ME3: variants seen among roughly 807,000 people sequenced by gnomAD.
ME3 encodes malic enzyme 3, also known as NADP-dependent malic enzyme, mitochondrial.
Under a neutral mutation model 68.9 loss-of-function variants are expected in ME3, and 48 were observed. The observed-to-expected ratio is 0.70, with a 90% CI of 0.55 to 0.89. The LOEUF is 0.89. Among genes scored for constraint, ME3 ranks in the 40% least tolerant of loss-of-function variants. The pLI, the probability that ME3 is intolerant of heterozygous loss-of-function variation, is 0.00. For synonymous variants in ME3, 320 were observed against 318.8 expected, an observed-to-expected ratio of 1.00 and a Z score of -0.04; for missense variants, 675 against 797.4, an observed-to-expected ratio of 0.85 and a Z score of 1.85.
intron 7 of ME3, among the ~76,000 whole-genome samples, chr11:86,482,119 T>G (rs545774601): frequency 1.3e-5 from 2 of 152,322 alleles, no homozygotes; most frequent in South Asian, 4.1e-4. Flanking sequence ...TTGGGAAATC[T>G]CAATCATTCC....
chr11:86,494,519 G>A (rs891353455), intron 6 of ME3, among the ~76,000 whole-genome samples: 5 of 152,060 alleles, frequency 3.3e-5, no homozygotes, highest in Admixed American at 2.6e-4. Context: ...TCTCACCCCC[G>A]GGGCACATAG....
chr11:86,668,322 AT>A (rs773294659), intron 2 of ME3: 101 of 152,306 alleles, frequency 6.6e-4, no homozygotes, highest in Middle Eastern at 3.4e-3. Context: ...AAAAATAGTC[AT>A]TTTACATGCT....
intron 7 of ME3, 58 bp downstream of exon 7, chr11:86,487,279 T>G: frequency 7.0e-7 from 1 of 1,419,756 alleles, no homozygotes; most frequent in Non-Finnish European, 1.0e-6. Flanking sequence ...CAGTGTTGAC[T>G]TTAGTCACGG....
intron 2 of ME3, among the ~76,000 whole-genome samples, chr11:86,635,121 A>G (rs1243601051): frequency 6.6e-6 from 1 of 152,192 alleles, no homozygotes; most frequent in Non-Finnish European, 1.5e-5. Context: ...CCTGGGCAAC[A>G]TGATGAAATC....
intron 7 of ME3, among the ~76,000 whole-genome samples, chr11:86,475,902 A>AG (rs1565830505): frequency 2.1e-4 from 20 of 93,296 alleles, no homozygotes; most frequent in Admixed American, 6.1e-4. Context: ...GAGAGAGAGA[A>AG]AGAGAAAGAG....
chr11:86,571,005 A>G (rs1206171919), intron 2 of ME3, among the ~76,000 whole-genome samples: 12 of 152,224 alleles, frequency 7.9e-5, no homozygotes, highest in Admixed American at 7.9e-4. Flanking sequence ...GAGAATGTTA[A>G]AATTTCTGTG....
intron 2 of ME3, among the ~76,000 whole-genome samples, chr11:86,614,887 A>G (rs1328131826): frequency 1.3e-5 from 2 of 152,204 alleles, no homozygotes. Context: ...CCAGCTCCAT[A>G]CCACTTACCA....
chr11:86,606,375 G>A (rs1961651628), intron 2 of ME3, among the ~76,000 whole-genome samples: 1 of 145,536 alleles, frequency 6.9e-6, no homozygotes, highest in African/African-American at 2.5e-5. Context: ...CATCAGGGTA[G>A]TCTGTTGTGG....
At chr11:86,467,327 A>T (rs890462182) in intron 7 of ME3, among the ~76,000 whole-genome samples, 8 of 152,192 alleles carry the variant, frequency 5.3e-5, no homozygotes, top group Non-Finnish European at 1.2e-4. Flanking sequence ...ACAAATGCTG[A>T]TGGAGGTTTG....
chr11:86,480,016 G>A (rs1228136655), intron 7 of ME3, among the ~76,000 whole-genome samples: 5 of 151,864 alleles, frequency 3.3e-5, no homozygotes, highest in Non-Finnish European at 5.9e-5. Context: ...ATGGGGTTTC[G>A]CCATGTTGGC....
intron 2 of ME3, among the ~76,000 whole-genome samples, chr11:86,618,116 T>C (rs923243521): frequency 1.3e-5 from 2 of 151,682 alleles, no homozygotes; most frequent in Non-Finnish European, 2.9e-5. Context: ...CTGGGCAACA[T>C]AGCAAAACCC....
At chr11:86,437,960 T>A (rs1247013491), downstream of ME3, among the ~76,000 whole-genome samples, 3 of 152,156 alleles carry the variant, frequency 2.0e-5, no homozygotes, top group Non-Finnish European at 4.4e-5. Flanking sequence ...CTTTCCAATC[T>A]TGACACCTTT....
intron 4 of ME3, among the ~76,000 whole-genome samples, chr11:86,525,978 G>A (rs1273924086): frequency 1.3e-5 from 2 of 152,268 alleles, no homozygotes; most frequent in Non-Finnish European, 1.5e-5. Context: ...ATTTCCAACT[G>A]AGGTACCGAG....
At chr11:86,465,926 C>T (rs886114807) in intron 7 of ME3, among the ~76,000 whole-genome samples, 3 of 152,162 alleles carry the variant, frequency 2.0e-5, no homozygotes, top group African/African-American at 7.2e-5. Context: ...TGAACAAGCA[C>T]CCCAGATGGT....
At chr11:86,452,186 G>A (rs1424038886) in intron 8 of ME3, among the ~76,000 whole-genome samples, 1 of 152,166 alleles carries the variant, frequency 6.6e-6, no homozygotes, top group Non-Finnish European at 1.5e-5. Context: ...CTACTGGATT[G>A]GAGGTCTTAG....
At chr11:86,620,485 G>T (rs932691743) in intron 2 of ME3, among the ~76,000 whole-genome samples, 1 of 152,192 alleles carries the variant, frequency 6.6e-6, no homozygotes, top group Non-Finnish European at 1.5e-5. Context: ...GGAACCCAGA[G>T]AATCAACTTG....
At chr11:86,518,549 C>T (rs1954047161) in intron 4 of ME3, among the ~76,000 whole-genome samples, 1 of 152,136 alleles carries the variant, frequency 6.6e-6, no homozygotes, top group African/African-American at 2.4e-5. Flanking sequence ...TTGCTTTGGC[C>T]ACTTCTACAG....
At chr11:86,558,423 G>T (rs1403526344) in intron 3 of ME3, among the ~76,000 whole-genome samples, 2 of 152,194 alleles carry the variant, frequency 1.3e-5, no homozygotes, top group Non-Finnish European at 2.9e-5. Flanking sequence ...TGGAGTTAAT[G>T]TGACTAACAT....
chr11:86,653,186 C>T (rs1050257446), intron 2 of ME3, among the ~76,000 whole-genome samples: 3 of 152,026 alleles, frequency 2.0e-5, no homozygotes, highest in South Asian at 2.1e-4. Context: ...GACAGATGAA[C>T]GAGACAGAAA....
Sources: gnomAD v4.1 joint callset for allele counts (sites outside exome capture counted in the v4.1 genomes callset) on GRCh38, gnomAD v4.1.1 for gene constraint, MANE v1.5 for transcripts, NCBI Gene and HGNC (gene_info 2026-07-23, HGNC 2026-07-21) for gene names.